The following RPH3AL variants were observed in gnomAD, a reference collection of about 807,000 sequenced individuals.
RPH3AL encodes the protein rab effector Noc2.
A neutral mutation model predicts 43.1 loss-of-function variants in RPH3AL; 38 were observed. The observed-to-expected ratio is 0.88, with a 90% CI of 0.68 to 1.15. The LOEUF (loss-of-function observed/expected upper bound fraction) is 1.15, where lower values mean the gene tolerates loss of function less well. RPH3AL is among the 50% of genes most tolerant of loss of function. RPH3AL has a pLI of 0.00. For synonymous variants in RPH3AL, 189 were observed against 176.3 expected (o/e 1.07, Z -0.57); for missense variants, 462 against 423.2 (o/e 1.09, Z -0.81).
chr17:243,475 C>T (rs955888969), intron 7 of RPH3AL, among the ~76,000 whole-genome samples: 5 of 145,088 alleles, frequency 3.4e-5, no homozygotes, highest in Admixed American at 2.0e-4. Flanking sequence ...CTATTGACTA[C>T]CTTCCTCTAT....
In RPH3AL at chr17:272,966, G is replaced by GAGAGACCCCAGCAAGGGCGACA. The variant is rs1567604343; in HGVS notation, c.438+8801_438+8802insTGTCGCCCTTGCTGGGGTCTCT. On this transcript the variant is annotated intron_variant, in intron 6 of 9. Coordinates refer to ENST00000331302, the MANE Select transcript of RPH3AL (RefSeq NM_006987.4). ...AGACCCCAGCAAGGGCTACGTCAGG[G>GAGAGACCCCAGCAAGGGCGACA]TGAGACCCCAGCAAGGGCTACGTCA... Among the ~76,000 whole-genome samples the GAGAGACCCCAGCAAGGGCGACA allele has an allele frequency of 8.6e-4, 45 of 52,530 alleles. 2 individuals carry two copies. The highest frequency in any genetic ancestry group is 2.8e-3 in the African/African-American group (45 of 16,346). The allele number at this position is 52,530 out of a possible 152,430, so 34.5% of individuals were successfully genotyped here. A position where few individuals can be genotyped will look rare whatever the true frequency, so the allele number is the denominator to read the frequency against.
rs1236524894 is a variant in RPH3AL at position 275,795 on chromosome 17, C to A, written c.438+5973G>T. Among the ~76,000 whole-genome samples the A allele has an allele frequency of 4.6e-5, 7 of 152,196 alleles. No individual in the cohort carries two copies. The East Asian group carries it at 1.3e-3, about 29-fold the overall frequency. On this transcript the variant is annotated intron_variant, in intron 6 of 9. Transcript: ENST00000331302. The stretch of plus-strand genomic sequence containing the variant: ...CTCCTGGGCTCAAGCAATCTGCCCA[C>A]CTTGGCCTCCCAAAGTGCTGGGATT...
intron 7 of RPH3AL, among the ~76,000 whole-genome samples, chr17:221,774 T>G (rs1478693304): frequency 9.6e-5 from 11 of 114,364 alleles, no homozygotes; most frequent in East Asian, 7.2e-4. Flanking sequence ...CTCTGAGGCC[T>G]CCACTCACTG....
intron 6 of RPH3AL, among the ~76,000 whole-genome samples, chr17:261,303 G>A (rs893901188): frequency 2.1e-4 from 32 of 152,198 alleles, no homozygotes; most frequent in Admixed American, 2.0e-3. Context: ...GGCCATGAGG[G>A]TGATCGCTGC....
At chr17:332,945 CG>C in intron 2 of RPH3AL, 2 of 1,143,210 alleles carry the variant, frequency 1.7e-6, no homozygotes, top group South Asian at 2.8e-5. Flanking sequence ...GTACAGGGAA[CG>C]GAACAGGAGT....
intron 6 of RPH3AL, among the ~76,000 whole-genome samples, chr17:252,717 C>T (rs782428191): frequency 5.3e-5 from 8 of 152,210 alleles, no homozygotes; most frequent in Non-Finnish European, 7.3e-5. Context: ...TTAGGAAAGA[C>T]GGGTTGATTT....
At chr17:233,059 TAGTG>T (rs1456123926) in intron 7 of RPH3AL, among the ~76,000 whole-genome samples, 3 of 151,758 alleles carry the variant, frequency 2.0e-5, no homozygotes, top group Non-Finnish European at 2.9e-5. Flanking sequence ...TCATGGCACT[TAGTG>T]AGCGCTTATC....
At chr17:315,612 C>CCATTGACCTG (rs1376350704) in intron 5 of RPH3AL, among the ~76,000 whole-genome samples, 496 of 121,370 alleles carry the variant, frequency 4.1e-3, no homozygotes, top group South Asian at 6.2e-3. Flanking sequence ...CCACTGAACT[C>CCATTGACCTG]TAGTCCCTGT....
chr17:301,181 CCGTCGGCCACCTCATTT>C (rs2043319824), intron 5 of RPH3AL, among the ~76,000 whole-genome samples: 1 of 152,276 alleles, frequency 6.6e-6, no homozygotes. Context: ...GGGCACGTAG[CCGTCGGCCACCTCATTT>C]CATCGGCCAC....
intron 6 of RPH3AL, among the ~76,000 whole-genome samples, chr17:258,350 C>T (rs1379898726): frequency 6.6e-6 from 1 of 152,208 alleles, no homozygotes; most frequent in Non-Finnish European, 1.5e-5. Flanking sequence ...GGGTCGTTTG[C>T]TGCAACGTGT....
rs1276662400 is a variant in RPH3AL, at chr17:245,832, C to A, written c.613+1279G>T. Among the ~76,000 whole-genome samples, 2 of 152,152 alleles carry A rather than the reference C, an allele frequency of 1.3e-5. No homozygotes were observed. The highest frequency in any genetic ancestry group is 4.8e-5 in the African/African-American group (2 of 41,436). ...CACCCCCTCCTCCTGAGGGACTCCC[C>A]GCCTGCACGGTCTCCACTGCATTGC... On this transcript the variant is annotated intron_variant, in intron 7 of 9. Transcript: ENST00000331302. This position sits in a 1 kb window ranked among gnomAD's most constrained non-coding sequence, Gnocchi z 5.9.
In RPH3AL at chr17:244,935, A is replaced by G. The variant is rs182572853; in HGVS notation, c.613+2176T>C. 3.3e-5 allele frequency among the ~76,000 whole-genome samples: 5 copies of G among 151,808 alleles called. No homozygotes were observed. In the East Asian group the frequency reaches 9.8e-4, roughly 30 times the overall value. On this transcript the variant is annotated intron_variant, in intron 7 of 9. Coordinates refer to ENST00000331302, the MANE Select transcript of RPH3AL (RefSeq NM_006987.4). ...CTACTGTGTGCATGAGTGTAACGCTAGTGTGTGTACATGCATGTGTGTGTG... is the reference window on the plus strand; with the variant it reads ...CTACTGTGTGCATGAGTGTAACGCTGGTGTGTGTACATGCATGTGTGTGTG...
chr17:315,531 T>A (rs1393182514), intron 5 of RPH3AL, among the ~76,000 whole-genome samples: 1 of 152,110 alleles, frequency 6.6e-6, no homozygotes, highest in African/African-American at 2.4e-5. Flanking sequence ...GTAGTCCCTG[T>A]GCTCCCACCT....
At chr17:258,202 T>C (rs2042108463) in intron 6 of RPH3AL, among the ~76,000 whole-genome samples, 1 of 152,050 alleles carries the variant, frequency 6.6e-6, no homozygotes. Context: ...TTCATCTGTC[T>C]CCCCCACCAG....
At chr17:238,321 G>C (rs760157584) in intron 7 of RPH3AL, among the ~76,000 whole-genome samples, 1 of 152,130 alleles carries the variant, frequency 6.6e-6, no homozygotes, top group Admixed American at 6.6e-5. Flanking sequence ...TCCAGAAAGA[G>C]AGAGAGAAAG....
chr17:329,346 A>C lies in RPH3AL; in HGVS notation c.-36-1767T>G, dbSNP rs528284251. 8.5e-5 allele frequency among the ~76,000 whole-genome samples: 13 copies of C among 152,108 alleles called. No individual in the cohort carries two copies. In the East Asian group the frequency reaches 1.4e-3, roughly 16 times the overall value. ...AAAAAATTAGCTGGGTGTGGTGGCGAGTGCCTGTAATCCCAGCTACTGAGG... is the reference window on the plus strand; with the variant it reads ...AAAAAATTAGCTGGGTGTGGTGGCGCGTGCCTGTAATCCCAGCTACTGAGG... On this transcript the variant is annotated intron_variant, in intron 2 of 9. Coordinates refer to ENST00000331302, the MANE Select transcript of RPH3AL (RefSeq NM_006987.4).
intron 9 of RPH3AL, 25 bp from the exon 10 acceptor site, chr17:213,948 A>C (rs1224165885): frequency 6.3e-7 from 1 of 1,592,806 alleles, no homozygotes; most frequent in East Asian, 2.2e-5. Flanking sequence ...AAAGGCCACC[A>C]CATGGTGAGC....
chr17:340,002 C>T (rs2045068918), intron 1 of RPH3AL, among the ~76,000 whole-genome samples: 1 of 152,086 alleles, frequency 6.6e-6, no homozygotes, highest in Admixed American at 6.5e-5. Context: ...CCTAGGCCCT[C>T]AGAGCAGAGG....
At chr17:308,583 G>T (rs1411408658) in intron 5 of RPH3AL, among the ~76,000 whole-genome samples, 1 of 152,172 alleles carries the variant, frequency 6.6e-6, no homozygotes, top group African/African-American at 2.4e-5. Context: ...ACACAAAGTG[G>T]GGTATGCACA....
Sources: gnomAD v4.1 joint callset for allele counts (sites outside exome capture counted in the v4.1 genomes callset) on GRCh38, gnomAD v4.1.1 for gene constraint, Gnocchi (gnomAD v3.1) non-coding constraint, MANE v1.5 for transcripts, NCBI Gene and HGNC (gene_info 2026-07-23, HGNC 2026-07-21) for gene names.